Variants in LNPEP observed in about 807,000 individuals in gnomAD.
The protein encoded by LNPEP is leucyl-cystinyl aminopeptidase.
A neutral mutation model predicts 120.6 loss-of-function variants in LNPEP; 64 were observed. That is an observed-to-expected ratio of 0.53 (90% confidence interval 0.43 to 0.65). LNPEP has a LOEUF of 0.65. Ranked by LOEUF, LNPEP falls within the 30% of genes least tolerant of loss-of-function variation. The pLI is 0.00. For synonymous variants in LNPEP, 435 were observed against 425.4 expected, an observed-to-expected ratio of 1.02 and a Z score of -0.28; for missense variants, 1,057 against 1,200.0, an observed-to-expected ratio of 0.88 and a Z score of 1.76.
intron 1 of LNPEP, among the ~76,000 whole-genome samples, chr5:96,957,138 T>A (rs1183805240): frequency 6.6e-6 from 1 of 152,232 alleles, no homozygotes; most frequent in Non-Finnish European, 1.5e-5. Context: ...CATTGAGGAT[T>A]GTTTACATTT....
intron 8 of LNPEP, among the ~76,000 whole-genome samples, chr5:97,001,568 T>C (rs1258015585): frequency 6.6e-6 from 1 of 152,080 alleles, no homozygotes; most frequent in Non-Finnish European, 1.5e-5. Context: ...TTTGGAAACC[T>C]TGGAGTTGGG....
chr5:96,971,345 TTGTGTGTGTGTGTGTGTGTGTG>T (rs3076561), intron 1 of LNPEP, among the ~76,000 whole-genome samples: 1 of 142,824 alleles, frequency 7.0e-6, no homozygotes, highest in South Asian at 2.2e-4. Flanking sequence ...ACATTATTAT[TTGTGTGTGTGTGTGTGTGTGTG>T]TGTGTGTGTG....
intron 1 of LNPEP, among the ~76,000 whole-genome samples, chr5:96,941,526 C>T (rs754946138): frequency 4.6e-5 from 7 of 152,028 alleles, no homozygotes; most frequent in Non-Finnish European, 1.0e-4. Context: ...AGCAACTTTT[C>T]TGAAAGTTTG....
At chr5:97,019,169 C>T (rs1483634549) in intron 13 of LNPEP, among the ~76,000 whole-genome samples, 1 of 152,118 alleles carries the variant, frequency 6.6e-6, no homozygotes, top group Non-Finnish European at 1.5e-5. Flanking sequence ...GTTGTTATTG[C>T]ATTTTATTAC....
At chr5:97,004,676 C>T (rs571344763) in intron 9 of LNPEP, among the ~76,000 whole-genome samples, 2 of 152,186 alleles carry the variant, frequency 1.3e-5, no homozygotes, top group South Asian at 2.1e-4. Context: ...TTCTCATACA[C>T]TCTTTACTGC....
intron 1 of LNPEP, among the ~76,000 whole-genome samples, chr5:96,938,339 C>T (rs1395990277): frequency 1.3e-5 from 2 of 152,168 alleles, no homozygotes; most frequent in African/African-American, 4.8e-5. Flanking sequence ...GTTACACGTT[C>T]ATCCTCTTTT....
In LNPEP at chr5:97,035,580, T is replaced by C. The variant is rs1334879075; in HGVS notation, c.*7047T>C. 1.3e-5 allele frequency: 2 copies of C among 152,170 alleles called. No individual in the cohort carries two copies. The highest frequency in any genetic ancestry group is 4.8e-5 in the African/African-American group (2 of 41,460). 9.4% of individuals were successfully genotyped at this position (152,170 alleles called of 1,614,324 possible). ...TATTTCCTCACTTAGCAGTAGCTAG[T>C]GTAGTTATTTTGTGGTTATTTTATT... On this transcript the variant is annotated 3_prime_UTR_variant, in exon 18 of 18. Coordinates refer to ENST00000231368, the MANE Select transcript of LNPEP (RefSeq NM_005575.3).
chr5:96,978,667 G>T (rs1434895523), intron 1 of LNPEP, among the ~76,000 whole-genome samples: 3 of 152,084 alleles, frequency 2.0e-5, no homozygotes, highest in African/African-American at 7.2e-5. Context: ...AGGCCTGTTG[G>T]ACAGAAATTC....
chr5:96,993,890 A>T lies in LNPEP; in HGVS notation c.1326A>T (p.Thr442=). 2 of 1,613,918 alleles carry T rather than the reference A, an allele frequency of 1.2e-6. No homozygotes were observed. The highest frequency in any genetic ancestry group is 1.7e-6 in the Non-Finnish European group (2 of 1,179,848). The change falls in exon 6 of 18, where the codon ACA becomes ACT. Residue 442 remains threonine, a synonymous_variant. Coordinates refer to ENST00000231368, the MANE Select transcript of LNPEP (RefSeq NM_005575.3). ...GTTTGCTCACCTTCCGAGAGGAGAC[A>T]CTTCTGTATGACAGTAACACTTCTT... ...NWGLLTFREE[T]LLYDSNTSSM...
intron 1 of LNPEP, among the ~76,000 whole-genome samples, chr5:96,976,331 A>C (rs1009754733): frequency 6.6e-6 from 1 of 152,154 alleles, no homozygotes; most frequent in Non-Finnish European, 1.5e-5. Flanking sequence ...TTAAAATTCT[A>C]CGTTGGTATT....
At chr5:97,028,288 C>A in intron 17 of LNPEP, 114 bp from the exon 18 acceptor site, 3 of 928,148 alleles carry the variant, frequency 3.2e-6, no homozygotes, top group Non-Finnish European at 5.2e-6. Context: ...CTTTCTACTG[C>A]TTTCAAGATA....
intron 15 of LNPEP, among the ~76,000 whole-genome samples, chr5:97,026,091 G>C (rs928548985): frequency 2.6e-5 from 4 of 152,154 alleles, no homozygotes; most frequent in Non-Finnish European, 5.9e-5. Context: ...ATAAAATTGA[G>C]TTAGGTAGTA....
rs1791410081 is a variant in LNPEP at position 97,028,799 on chromosome 5, G to A, written c.*266G>A. ...CAATGAGTAATTTTTCTACTTTGAA[G>A]ATACACAGATGGGGACAAAAACCCT... is the stretch of plus-strand genomic sequence containing the variant. On this transcript the variant is annotated 3_prime_UTR_variant, in exon 18 of 18. Transcript: ENST00000231368. 1 of 300,446 alleles carries A rather than the reference G, an allele frequency of 3.3e-6. No homozygotes were observed. The highest frequency in any genetic ancestry group is 6.3e-6 in the Non-Finnish European group (1 of 159,318). The allele number at this position is 300,446 out of a possible 1,614,324, so 18.6% of individuals were successfully genotyped here.
chr5:96,948,075 T>C lies in LNPEP; in HGVS notation c.19+11901T>C, dbSNP rs1009062738. Among the ~76,000 whole-genome samples, 7 of 152,208 alleles carry C rather than the reference T, an allele frequency of 4.6e-5. No homozygotes were observed. In the East Asian group the frequency reaches 1.4e-3, roughly 29 times the overall value. On this transcript the variant is annotated intron_variant, in intron 1 of 17. Transcript: ENST00000231368. ...TCTTTTATTGGGGAAGGGGCAGTGG[T>C]GATCCGGGAAGAAGCATAGTGTAAA...
chr5:96,985,023 G>A, intron 2 of LNPEP, 57 bp from the exon 3 acceptor site: 1 of 1,573,918 alleles, frequency 6.4e-7, no homozygotes, highest in Non-Finnish European at 8.7e-7. Flanking sequence ...TACTTGGCAG[G>A]GTGCCTTGTA....
In LNPEP at chr5:97,037,375, TGTAAA is replaced by T. The variant is rs540611782; in HGVS notation, c.*8844_*8848del. On this transcript the variant is annotated 3_prime_UTR_variant, in exon 18 of 18. Coordinates refer to ENST00000231368, the MANE Select transcript of LNPEP (RefSeq NM_005575.3). Reference sequence around the variant, plus strand: ...TATATGCAAATTGTGTTGTTTCACTTGTAAAGGGAAAAGGCTTATTTTTCTTTATA... The same window carrying T: ...TATATGCAAATTGTGTTGTTTCACTTGGGAAAAGGCTTATTTTTCTTTATA... 90 of 152,310 alleles carry T rather than the reference TGTAAA, an allele frequency of 5.9e-4. No homozygotes were observed. Among genetic ancestry groups the T allele is most frequent in the African/African-American group, 2.0e-3 (85 of 41,576 alleles). The allele number at this position is 152,310 out of a possible 1,614,324, so 9.4% of individuals were successfully genotyped here. A position where few individuals can be genotyped will look rare whatever the true frequency, so the allele number is the denominator to read the frequency against.
chr5:97,006,830 G>A (rs1423755702), intron 11 of LNPEP, among the ~76,000 whole-genome samples: 2 of 152,190 alleles, frequency 1.3e-5, no homozygotes, highest in African/African-American at 4.8e-5. Flanking sequence ...AGTATCCTCT[G>A]CTATCTACTG....
Position 96,979,946 on chromosome 5 carries a change from C to T in LNPEP, c.828C>T (p.Gly276=), listed in dbSNP as rs767259111. 90 of 1,608,770 alleles carry T rather than the reference C, an allele frequency of 5.6e-5. 1 individual carries two copies. The South Asian group carries it at 9.2e-4, about 16-fold the overall frequency. ...CTAGTTCTTATTATGGGTTTTATGGCTTCTCCTACACAGATGAAAGTAATG... is the reference window on the plus strand; with the variant it reads ...CTAGTTCTTATTATGGGTTTTATGGTTTCTCCTACACAGATGAAAGTAATG... ...NISSSYYGFY[G]FSYTDESNEK... is the part of the protein sequence containing the mutation. The change falls in exon 2 of 18, where the codon GGC becomes GGT. Residue 276 remains glycine (G), a synonymous_variant. Coordinates refer to ENST00000231368, the MANE Select transcript of LNPEP (RefSeq NM_005575.3).
chr5:96,947,807 A>G (rs938538002), intron 1 of LNPEP, among the ~76,000 whole-genome samples: 1 of 152,220 alleles, frequency 6.6e-6, no homozygotes, highest in African/African-American at 2.4e-5. Flanking sequence ...GAGAGAATAT[A>G]ATGTACAAAA....
Sources: gnomAD v4.1 joint callset for allele counts (sites outside exome capture counted in the v4.1 genomes callset) on GRCh38, gnomAD v4.1.1 for gene constraint, MANE v1.5 for transcripts, NCBI Gene and HGNC (gene_info 2026-07-23, HGNC 2026-07-21) for gene names.